Variants in BIRC6 observed in about 807,000 individuals in gnomAD.
The protein encoded by BIRC6 is dual E2 ubiquitin-conjugating enzyme/E3 ubiquitin-protein ligase BIRC6.
A neutral mutation model predicts 503.3 loss-of-function variants in BIRC6; 98 were observed. The observed-to-expected ratio is 0.19, with a 90% confidence interval of 0.17 to 0.23. The LOEUF (loss-of-function observed/expected upper bound fraction) is 0.23. Among genes scored for constraint, BIRC6 ranks in the 10% least tolerant of loss-of-function variants. The pLI is 1.00. For synonymous variants in BIRC6, 2,240 were observed against 2,078.7 expected, an observed-to-expected ratio of 1.08 and a Z score of -2.11; for missense variants, 5,360 against 5,806.0, an observed-to-expected ratio of 0.92 and a Z score of 2.50.
intron 8 of BIRC6, among the ~76,000 whole-genome samples, chr2:32,404,910 C>T (rs1028331494): frequency 6.6e-6 from 1 of 152,088 alleles, no homozygotes; most frequent in Non-Finnish European, 1.5e-5. Context: ...AGTCCTCCCT[C>T]CTTGTCCTCC....
At chr2:32,550,521 T>A (rs1390381361) in intron 65 of BIRC6, among the ~76,000 whole-genome samples, 1 of 151,542 alleles carries the variant, frequency 6.6e-6, no homozygotes, top group Non-Finnish European at 1.5e-5. Flanking sequence ...AAATGCATAA[T>A]TTTTTTTTAT....
chr2:32,611,547 G>A lies in BIRC6; in HGVS notation c.14359G>A (p.Gly4787Ser). ...GCAGTACAGCAGTGATAAGCGGGTA[G>A]GCAGGACTATGTCTCACCATGCAGC... ...IQQYSSDKRV[G>S]RTMSHHAAAL... is the part of the protein sequence containing the mutation. The change falls in exon 73 of 74, where the codon GGC becomes AGC. Residue 4787 changes from glycine to serine, a missense_variant. Physicochemically the swap from Gly to Ser is moderately conservative, Grantham distance 56. Coordinates refer to ENST00000421745, the MANE Select transcript of BIRC6 (RefSeq NM_016252.4). 1 of 1,601,260 alleles carries A rather than the reference G, an allele frequency of 6.2e-7. No individual in the cohort carries two copies. Among genetic ancestry groups the A allele is most frequent in the Non-Finnish European group, 8.5e-7 (1 of 1,172,276 alleles).
At chr2:32,403,771 T>G (rs2040862483) in intron 8 of BIRC6, among the ~76,000 whole-genome samples, 1 of 152,220 alleles carries the variant, frequency 6.6e-6, no homozygotes, top group Non-Finnish European at 1.5e-5. Flanking sequence ...AAGGCTTTAG[T>G]AAATACAGTG....
chr2:32,448,857 C>A lies in BIRC6; in HGVS notation c.4547C>A (p.Ser1516Tyr). 1 of 1,613,412 alleles carries A rather than the reference C, an allele frequency of 6.2e-7. No individual in the cohort carries two copies. The highest frequency in any genetic ancestry group is 8.5e-7 in the Non-Finnish European group (1 of 1,179,482). ...VLFDLEMSGS[S>Y]CKNVYNSSIG... ...TTTGATTTGGAGATGAGTGGCTCTT[C>A]TTGTAAAAATGTTTATAACAGCAGC... Residue 1516 changes from serine (S) to tyrosine (Y), a missense_variant, in exon 22 of 74, where the codon TCT (serine) becomes TAT (tyrosine). Ser to Tyr is a moderately radical substitution (Grantham distance 144). Coordinates refer to ENST00000421745, the MANE Select transcript of BIRC6 (RefSeq NM_016252.4).
rs1022129474 is a variant in BIRC6 at position 32,500,201 on chromosome 2, T to C, written c.9031+92T>C. On this transcript the variant is annotated intron_variant, in intron 46 of 73. Transcript: ENST00000421745. The stretch of plus-strand genomic sequence containing the variant: ...ATATGGATTCATTTTCTTTTTACTT[T>C]ATAGTGTAAAACTGCTTTAAGCTTT... 470 of 1,207,248 alleles carry C rather than the reference T, an allele frequency of 3.9e-4. 2 individuals are homozygous for C. The highest frequency in any genetic ancestry group is 1.3e-4 in the Admixed American group (5 of 39,452). 74.8% of individuals were successfully genotyped at this position (1,207,248 alleles called of 1,614,324 possible).
chr2:32,493,594 C>T lies in BIRC6; in HGVS notation c.8395C>T (p.His2799Tyr). 6.2e-7 allele frequency: 1 copy of T among 1,608,806 alleles called. No homozygotes were observed. The highest frequency in any genetic ancestry group is 8.5e-7 in the Non-Finnish European group (1 of 1,176,210). Residue 2799 changes from histidine to tyrosine, a missense_variant, in exon 45 of 74, where the codon CAT becomes TAT. This residue lies in a region of BIRC6 where 2,299 missense variants were observed against 2,267.2 expected (regional missense o/e 1.01). Coordinates refer to ENST00000421745, the MANE Select transcript of BIRC6 (RefSeq NM_016252.4). ...MQEFLTRLQV[H>Y]LSSTCPQIFS... ...AGAATTTCTTACTCGATTACAAGTG[C>T]ATCTTTCTTCAACATGTCCTCAGAT...
At chr2:32,560,369 G>T (rs899177609) in intron 65 of BIRC6, among the ~76,000 whole-genome samples, 4 of 151,980 alleles carry the variant, frequency 2.6e-5, no homozygotes, top group Non-Finnish European at 5.9e-5. Context: ...TGTTTTGCTA[G>T]CTTTTGCCTT....
intron 33 of BIRC6, among the ~76,000 whole-genome samples, chr2:32,475,699 C>T (rs1395155753): frequency 3.9e-5 from 6 of 152,042 alleles, no homozygotes; most frequent in Non-Finnish European, 8.8e-5. Context: ...GTAAAGTGTA[C>T]AAGAGATTTC....
Position 32,415,481 on chromosome 2 carries a change from T to C in BIRC6, c.2190T>C (p.Asn730=). 2 of 1,614,012 alleles carry C rather than the reference T, an allele frequency of 1.2e-6. No individual in the cohort carries two copies. The highest frequency in any genetic ancestry group is 1.3e-5 in the African/African-American group (1 of 75,058). ...LRLPKFAEEE[N]LCIDSITPCA... ...TGCCAAAGTTTGCAGAGGAGGAGAA[T>C]CTTTGTATAGACTCAATAACTCCTT... Residue 730 remains asparagine (N), a synonymous_variant, in exon 10 of 74, where the codon AAT becomes AAC. Transcript: ENST00000421745.
intron 71 of BIRC6, among the ~76,000 whole-genome samples, chr2:32,606,880 A>G (rs185754188): frequency 2.6e-4 from 40 of 151,996 alleles, no homozygotes; most frequent in African/African-American, 7.7e-4. Context: ...GGTGGCAGGC[A>G]TCTGTAATCC....
rs753581213 is a variant in BIRC6 at position 32,599,702 on chromosome 2, T to C, written c.13831-37T>C. ...TTTTCTAAATATCAGTGTTTAGGAA[T>C]GTTAACATAGACTTTTGTATGTTTA... On this transcript the variant is annotated intron_variant, in intron 69 of 73. Transcript: ENST00000421745. The C allele has an allele frequency of 1.7e-5, 27 of 1,582,618 alleles. No homozygotes were observed. The Middle Eastern group carries it at 1.2e-3, about 69-fold the overall frequency.
At chr2:32,578,896 A>G (rs548735900) in intron 66 of BIRC6, among the ~76,000 whole-genome samples, 2 of 149,196 alleles carry the variant, frequency 1.3e-5, no homozygotes, top group South Asian at 2.1e-4. Flanking sequence ...GTGAAATCCA[A>G]GGGTGAATAA....
At position 32,411,416 on chromosome 2, in the gene BIRC6, TA is replaced by T. The variant is rs59620135; in HGVS notation, c.1478-3352del. 7.1e-3 allele frequency among the ~76,000 whole-genome samples: 1,041 copies of T among 147,396 alleles called. 17 individuals carry two copies. Among genetic ancestry groups the T allele is most frequent in the African/African-American group, 0.024 (963 of 40,076 alleles). On this transcript the variant is annotated intron_variant, in intron 9 of 73. Transcript: ENST00000421745. Reference sequence around the variant, plus strand: ...TAAGGCAATTATATATATATATATATATTTTATTTTTTTATTTTTTTTTTTT... The same window carrying T: ...TAAGGCAATTATATATATATATATATTTTTATTTTTTTATTTTTTTTTTTT...
At chr2:32,367,149 A>G (rs2035060632) in intron 1 of BIRC6, among the ~76,000 whole-genome samples, 1 of 146,864 alleles carries the variant, frequency 6.8e-6, no homozygotes, top group South Asian at 2.2e-4. Flanking sequence ...AAATAAAAAG[A>G]ATACAGTAAT....
intron 62 of BIRC6, 97 bp from the exon 63 acceptor site, chr2:32,545,546 G>A (rs2058000147): frequency 1.0e-6 from 1 of 982,742 alleles, no homozygotes; most frequent in Non-Finnish European, 1.6e-6. Context: ...GTATACTTTT[G>A]TATTACAGTG....
chr2:32,591,015 G>C (rs2061353065), intron 66 of BIRC6: 1 of 979,978 alleles, frequency 1.0e-6, no homozygotes, highest in Non-Finnish European at 1.2e-6. Context: ...CTACATATGG[G>C]TTGACAGTAA....
chr2:32,435,962 GTAT>G (rs1230566715), intron 14 of BIRC6, 88 bp from the exon 15 acceptor site: 2 of 679,840 alleles, frequency 2.9e-6, no homozygotes, highest in African/African-American at 3.7e-5. Context: ...TTGTGTGGTG[GTAT>G]TATATGTAAA....
intron 6 of BIRC6, among the ~76,000 whole-genome samples, chr2:32,395,797 G>A (rs1406658186): frequency 6.6e-6 from 1 of 152,132 alleles, no homozygotes; most frequent in Non-Finnish European, 1.5e-5. Flanking sequence ...TCTAAAAATT[G>A]TACACAAGGG....
chr2:32,357,152 C>G lies in BIRC6; in HGVS notation c.-10C>G, dbSNP rs1211450023. 2 of 1,492,126 alleles carry G rather than the reference C, an allele frequency of 1.3e-6. No homozygotes were observed. Among genetic ancestry groups the G allele is most frequent in the African/African-American group, 2.9e-5 (2 of 68,024 alleles). 92.4% of individuals were successfully genotyped at this position (1,492,126 alleles called of 1,614,324 possible). A position where few individuals can be genotyped will look rare whatever the true frequency, so the allele number is the denominator to read the frequency against. ...CCGGCTAACGCGCTCGGCTTGCCCC[C>G]TGGCCCCGGATGGTGACTGGTGGTG... On this transcript the variant is annotated 5_prime_UTR_variant, in exon 1 of 74. Coordinates refer to ENST00000421745, the MANE Select transcript of BIRC6 (RefSeq NM_016252.4). This position sits in a 1 kb window ranked among gnomAD's most constrained non-coding sequence, Gnocchi z 4.9.
Sources: allele counts gnomAD v4.1 joint callset (sites outside exome capture counted in the v4.1 genomes callset), GRCh38; gene constraint gnomAD v4.1.1; regional missense constraint gnomAD v4.1.1; non-coding constraint Gnocchi (gnomAD v3.1); transcripts MANE v1.5; gene names NCBI Gene and HGNC (gene_info 2026-07-23, HGNC 2026-07-21).